EDN3: variants seen among roughly 807,000 people sequenced by gnomAD.
EDN3 encodes endothelin 3, also known as endothelin-3.
A neutral mutation model predicts 21.4 loss-of-function variants in EDN3; 9 were observed. The ratio of observed to expected loss-of-function variants is 0.42; its 90% CI spans 0.25 to 0.73. EDN3 has a LOEUF of 0.73. EDN3 is among the 30% of genes least tolerant of loss of function. The probability of loss-of-function intolerance (pLI) is 0.26; values close to 1 mark genes in which losing one functional copy is unlikely to be tolerated. For synonymous variants in EDN3, 133 were observed against 126.2 expected, an observed-to-expected ratio of 1.05 and a Z score of -0.36; for missense variants, 327 against 309.4, an observed-to-expected ratio of 1.06 and a Z score of -0.43.
chr20:59,319,704 C>T (rs1220041073), intron 2 of EDN3, among the ~76,000 whole-genome samples: 2 of 129,528 alleles, frequency 1.5e-5, no homozygotes, highest in African/African-American at 3.0e-5. Context: ...CCAGCCTGGG[C>T]GACAAGAGCG....
intron 3 of EDN3, among the ~76,000 whole-genome samples, chr20:59,321,852 C>T (rs908487187): frequency 1.3e-5 from 2 of 152,220 alleles, no homozygotes; most frequent in East Asian, 3.9e-4. Flanking sequence ...AGGCAGACTC[C>T]ATGTTTGACC....
In EDN3 at chr20:59,301,440, C is replaced by T. The variant is rs762824805; in HGVS notation, c.83C>T (p.Ala28Val). 2.5e-6 allele frequency: 4 copies of T among 1,612,768 alleles called. No homozygotes were observed. Among genetic ancestry groups the T allele is most frequent in the Non-Finnish European group, 3.4e-6 (4 of 1,180,026 alleles). The change falls in exon 2 of 5, where the codon GCT becomes GTT. Residue 28 changes from alanine to valine, a missense_variant. Ala to Val is a moderately conservative substitution (Grantham distance 64). Coordinates refer to ENST00000337938, the MANE Select transcript of EDN3 (RefSeq NM_207034.3). ...GTGCCTTGCTCCCAGTCTGGGGATGCTGGCAGGCGCGGCGTGTCCCAGGCC... is the reference window on the plus strand; with the variant it reads ...GTGCCTTGCTCCCAGTCTGGGGATGTTGGCAGGCGCGGCGTGTCCCAGGCC... ...GFVPCSQSGD[A>V]GRRGVSQAPT...
rs1989334567 is a variant in EDN3, at chr20:59,305,372, T to A, written c.365+3650T>A. On this transcript the variant is annotated intron_variant, in intron 2 of 4. Coordinates refer to ENST00000337938, the MANE Select transcript of EDN3 (RefSeq NM_207034.3). The surrounding 1 kb of genome is among the most constrained non-coding windows in gnomAD (Gnocchi z 4.2). ...TGAACAAGGGGTCCGTGTGCTGATG[T>A]CCTTGTACACTGCGGCTGTCCTCTA... 6.6e-6 allele frequency among the ~76,000 whole-genome samples: 1 copy of A among 152,206 alleles called. No individual in the cohort carries two copies. Among genetic ancestry groups the A allele is most frequent in the Non-Finnish European group, 1.5e-5 (1 of 68,028 alleles).
chr20:59,309,509 T>G (rs1178230678), intron 2 of EDN3, among the ~76,000 whole-genome samples: 1 of 152,154 alleles, frequency 6.6e-6, no homozygotes, highest in Non-Finnish European at 1.5e-5. Flanking sequence ...CATCATTTCA[T>G]GATGTGCTTT....
chr20:59,303,800 A>G (rs1197321601), intron 2 of EDN3, among the ~76,000 whole-genome samples: 1 of 152,202 alleles, frequency 6.6e-6, no homozygotes, highest in Non-Finnish European at 1.5e-5. Flanking sequence ...AGGACAGCCA[A>G]CTTGATAACT....
intron 2 of EDN3, among the ~76,000 whole-genome samples, chr20:59,314,635 T>C (rs1388556768): frequency 6.6e-6 from 1 of 152,022 alleles, no homozygotes; most frequent in Non-Finnish European, 1.5e-5. Flanking sequence ...ATTGGCCCAG[T>C]TTAGGTCTCC....
chr20:59,314,777 T>C (rs765748128), intron 2 of EDN3, among the ~76,000 whole-genome samples: 4 of 152,098 alleles, frequency 2.6e-5, no homozygotes, highest in Admixed American at 6.5e-5. Flanking sequence ...AAATAACCAA[T>C]GCTGGCCTCG....
chr20:59,306,471 G>C (rs1022708571), intron 2 of EDN3, among the ~76,000 whole-genome samples: 1 of 151,934 alleles, frequency 6.6e-6, no homozygotes, highest in Non-Finnish European at 1.5e-5. Flanking sequence ...CCAACAGTCT[G>C]ATCAGCTCCT....
intron 2 of EDN3, among the ~76,000 whole-genome samples, chr20:59,309,198 G>A (rs1475898074): frequency 6.6e-6 from 1 of 152,220 alleles, no homozygotes; most frequent in Non-Finnish European, 1.5e-5. Flanking sequence ...CTGTGAAATA[G>A]GAGGTAGGGG....
At chr20:59,312,627 T>C (rs1369007461) in intron 2 of EDN3, among the ~76,000 whole-genome samples, 1 of 152,132 alleles carries the variant, frequency 6.6e-6, no homozygotes, top group African/African-American at 2.4e-5. Flanking sequence ...GGCTAAGGCT[T>C]TCTAAATACA....
chr20:59,307,316 C>T (rs995415828), intron 2 of EDN3, among the ~76,000 whole-genome samples: 4 of 152,160 alleles, frequency 2.6e-5, no homozygotes, highest in Admixed American at 2.0e-4. Flanking sequence ...TGACTGTGAC[C>T]TCATGTCATC....
intron 2 of EDN3, among the ~76,000 whole-genome samples, chr20:59,313,089 A>G (rs1225583708): frequency 6.6e-6 from 1 of 152,222 alleles, no homozygotes. Flanking sequence ...AAAACCCCTC[A>G]AAGACCAGCT....
chr20:59,319,591 T>G (rs1244381061), intron 2 of EDN3, among the ~76,000 whole-genome samples: 1 of 151,384 alleles, frequency 6.6e-6, no homozygotes, highest in Non-Finnish European at 1.5e-5. Flanking sequence ...CCGGGCGTGG[T>G]GGCACATGCC....
At chr20:59,324,278 C>G in intron 4 of EDN3, 53 bp from the exon 5 acceptor site, 2 of 1,612,764 alleles carry the variant, frequency 1.2e-6, no homozygotes, top group South Asian at 2.2e-5. Flanking sequence ...CAGAGCTACA[C>G]TTTCATAACA....
intron 2 of EDN3, among the ~76,000 whole-genome samples, chr20:59,311,238 A>G (rs1020775740): frequency 6.6e-6 from 1 of 152,138 alleles, no homozygotes; most frequent in East Asian, 1.9e-4. Flanking sequence ...TGGAGCTATT[A>G]CTGGAAAGGG....
chr20:59,323,001 T>C (rs1990643233), intron 4 of EDN3, among the ~76,000 whole-genome samples: 1 of 152,156 alleles, frequency 6.6e-6, no homozygotes, highest in South Asian at 2.1e-4. Flanking sequence ...ACTGGGTTTA[T>C]TTGTCATTCT....
rs531485234 is a variant in EDN3 at position 59,301,329 on chromosome 20, C to G, written c.53-81C>G. The G allele has an allele frequency of 2.7e-5, 42 of 1,528,578 alleles. No individual in the cohort carries two copies. The South Asian group carries it at 3.6e-4, about 13-fold the overall frequency. The allele number at this position is 1,528,578 out of a possible 1,614,324, so 94.7% of individuals were successfully genotyped here. The stretch of plus-strand genomic sequence containing the variant: ...TGCAGACATTTTGCTTGCTCCACCC[C>G]CCTCCTCAGGTGTTTGGGGGTGGCG... On this transcript the variant is annotated intron_variant, in intron 1 of 4. Transcript: ENST00000337938.
At position 59,325,750 on chromosome 20, in the gene EDN3, C is replaced by T. The variant is rs1990802435; in HGVS notation, c.*1291C>T. On this transcript the variant is annotated 3_prime_UTR_variant, in exon 5 of 5. Coordinates refer to ENST00000337938, the MANE Select transcript of EDN3 (RefSeq NM_207034.3). Reference sequence around the variant, plus strand: ...TGTGAAACTGTTCTCCACTCCAACTCCTTTATGTGGATCTGTTCAAAGTAG... The same window carrying T: ...TGTGAAACTGTTCTCCACTCCAACTTCTTTATGTGGATCTGTTCAAAGTAG... 1 of 152,164 alleles carries T rather than the reference C, an allele frequency of 6.6e-6. No homozygotes were observed. Among genetic ancestry groups the T allele is most frequent in the South Asian group, 2.1e-4 (1 of 4,824 alleles). The allele number at this position is 152,164 out of a possible 1,614,324, so 9.4% of individuals were successfully genotyped here.
At chr20:59,303,629 G>T (rs1262662570) in intron 2 of EDN3, among the ~76,000 whole-genome samples, 2 of 152,186 alleles carry the variant, frequency 1.3e-5, no homozygotes, top group African/African-American at 4.8e-5. Context: ...CGGAGCACTG[G>T]CTGGGGAGGA....
Sources: gnomAD v4.1 joint callset for allele counts (sites outside exome capture counted in the v4.1 genomes callset) on GRCh38, gnomAD v4.1.1 for gene constraint, Gnocchi (gnomAD v3.1) non-coding constraint, MANE v1.5 for transcripts, NCBI Gene and HGNC (gene_info 2026-07-23, HGNC 2026-07-21) for gene names.